Variants in PRKACB observed in about 807,000 individuals in gnomAD.
PRKACB encodes protein kinase cAMP-activated catalytic subunit beta.
In PRKACB, 16 loss-of-function variants were observed where a neutral mutation model predicts 51.4. The observed-to-expected ratio is 0.31, with a 90% confidence interval of 0.21 to 0.47. The LOEUF (loss-of-function observed/expected upper bound fraction) is 0.47. Ranked by LOEUF, PRKACB falls within the 20% of genes least tolerant of loss-of-function variation. The pLI is 1.00. For missense variants in PRKACB, 309 were observed against 464.5 expected, an observed-to-expected ratio of 0.67 and a Z score of 3.08; for synonymous variants, 147 against 154.4, an observed-to-expected ratio of 0.95 and a Z score of 0.35.
chr1:84,110,858 G>A (rs1650175474), intron 1 of PRKACB, among the ~76,000 whole-genome samples: 1 of 151,890 alleles, frequency 6.6e-6, no homozygotes, highest in African/African-American at 2.4e-5. Flanking sequence ...TGAAAATGAT[G>A]CACCTCTTTA....
intron 8 of PRKACB, among the ~76,000 whole-genome samples, chr1:84,210,368 A>C (rs1474685484): frequency 1.3e-5 from 2 of 152,172 alleles, no homozygotes; most frequent in South Asian, 2.1e-4. Flanking sequence ...CCATAACCTT[A>C]TCTCTCAGAC....
intron 1 of PRKACB, among the ~76,000 whole-genome samples, chr1:84,170,692 T>C (rs1370041854): frequency 6.6e-6 from 1 of 151,518 alleles, no homozygotes; most frequent in African/African-American, 2.4e-5. Context: ...GCAAATGATA[T>C]TTAGATACAA....
chr1:84,218,029 T>G (rs975906333), intron 9 of PRKACB, among the ~76,000 whole-genome samples: 4 of 152,198 alleles, frequency 2.6e-5, no homozygotes, highest in Non-Finnish European at 1.5e-5. Flanking sequence ...TGCTGCATAC[T>G]ATTTTTATAT....
intron 2 of PRKACB, chr1:84,181,526 A>AG (rs1663469958): frequency 6.4e-6 from 3 of 465,420 alleles, no homozygotes; most frequent in Non-Finnish European, 1.1e-5. Context: ...CAAGAAAAAA[A>AG]GAGTCTGATT....
rs1405928313 is a variant in PRKACB at position 84,174,579 on chromosome 1, C to T, written c.188-4598C>T. On this transcript the variant is annotated intron_variant, in intron 1 of 9. Transcript: ENST00000370685. ...AATACTGTTGAAAAGATTGTTAAAC[C>T]AGCACTGAGGAAGTGGAATGACTGA... Among the ~76,000 whole-genome samples, 3 of 151,776 alleles carry T rather than the reference C, an allele frequency of 2.0e-5. No homozygotes were observed. The Admixed American group carries it at 2.0e-4, about 10-fold the overall frequency.
At chr1:84,191,127 G>A (rs1195217173) in intron 5 of PRKACB, among the ~76,000 whole-genome samples, 1 of 152,054 alleles carries the variant, frequency 6.6e-6, no homozygotes, top group Non-Finnish European at 1.5e-5. Flanking sequence ...TGGGCTATGA[G>A]CTTAAGTGTG....
At chr1:84,184,002 A>C in intron 3 of PRKACB, 35 bp from the exon 4 acceptor site, 1 of 1,506,764 alleles carries the variant, frequency 6.6e-7, no homozygotes, top group Non-Finnish European at 8.9e-7. Flanking sequence ...AATTTTGCTT[A>C]AATACATTAA....
rs75510886 is a variant in PRKACB at position 84,137,816 on chromosome 1, G to C, written c.47-41361G>C. On this transcript the variant is annotated intron_variant, in intron 1 of 8. Coordinates refer to the PRKACB transcript ENST00000370688. Reference sequence around the variant, plus strand: ...TAAATAAGTTGATGGTGGATGGTGGGAGCCAGGTTTCTCTCTATTTGAGTA... The same window carrying C: ...TAAATAAGTTGATGGTGGATGGTGGCAGCCAGGTTTCTCTCTATTTGAGTA... Among the ~76,000 whole-genome samples the C allele has an allele frequency of 9.5e-3, 1,446 of 152,216 alleles. 71 individuals carry two copies. In the East Asian group the frequency reaches 0.15, roughly 16 times the overall value.
intron 1 of PRKACB, among the ~76,000 whole-genome samples, chr1:84,177,240 T>A (rs1206615849): frequency 6.6e-6 from 1 of 152,116 alleles, no homozygotes; most frequent in African/African-American, 2.4e-5. Context: ...CAAGTTGTTT[T>A]TTCTTAAATG....
chr1:84,089,031 A>G (rs1272935673), intron 1 of PRKACB, among the ~76,000 whole-genome samples: 1 of 152,198 alleles, frequency 6.6e-6, no homozygotes, highest in Admixed American at 6.5e-5. Context: ...TTACATCTAT[A>G]ATTGTAGCAC....
intron 9 of PRKACB, among the ~76,000 whole-genome samples, chr1:84,231,192 T>A (rs1675588576): frequency 6.6e-6 from 1 of 152,190 alleles, no homozygotes; most frequent in African/African-American, 2.4e-5. Flanking sequence ...TGTGGTTTTT[T>A]CTTTGGTTCT....
chr1:84,215,876 T>C (rs1015028575), intron 9 of PRKACB, among the ~76,000 whole-genome samples: 1 of 152,184 alleles, frequency 6.6e-6, no homozygotes, highest in African/African-American at 2.4e-5. Flanking sequence ...TTAATTTTTT[T>C]CTTCTTTTTT....
intron 1 of PRKACB, among the ~76,000 whole-genome samples, chr1:84,162,448 A>C (rs1375657088): frequency 1.3e-5 from 2 of 151,786 alleles, no homozygotes; most frequent in African/African-American, 4.8e-5. Context: ...ATATCCCATA[A>C]GTTTCTCAGG....
At chr1:84,184,771 T>C (rs1664604137) in intron 4 of PRKACB, among the ~76,000 whole-genome samples, 1 of 151,900 alleles carries the variant, frequency 6.6e-6, no homozygotes, top group Non-Finnish European at 1.5e-5. Flanking sequence ...CTTATTAACT[T>C]TTTAAATTGT....
intron 1 of PRKACB, among the ~76,000 whole-genome samples, chr1:84,113,995 C>A (rs982327988): frequency 1.3e-5 from 2 of 152,110 alleles, no homozygotes; most frequent in African/African-American, 4.8e-5. Context: ...TAAGTTATCT[C>A]AAGAAAACTG....
intron 1 of PRKACB, among the ~76,000 whole-genome samples, chr1:84,166,195 T>A (rs889777929): frequency 2.0e-5 from 3 of 151,702 alleles, no homozygotes; most frequent in Admixed American, 6.6e-5. Context: ...CTGAAATAGA[T>A]CTGTTTTAAA....
At chr1:84,092,649 G>A (rs550115913) in intron 1 of PRKACB, among the ~76,000 whole-genome samples, 2 of 152,106 alleles carry the variant, frequency 1.3e-5, no homozygotes, top group African/African-American at 2.4e-5. Context: ...AGATCATGTG[G>A]TTCTGGTAAA....
intron 1 of PRKACB, among the ~76,000 whole-genome samples, chr1:84,121,996 G>A (rs368714044): frequency 1.3e-3 from 204 of 152,144 alleles, no homozygotes; most frequent in African/African-American, 4.6e-3. Context: ...TACATTTGGT[G>A]AGTCCCCCCA....
intron 1 of PRKACB, among the ~76,000 whole-genome samples, chr1:84,099,112 T>C (rs1649146141): frequency 6.6e-6 from 1 of 152,096 alleles, no homozygotes; most frequent in African/African-American, 2.4e-5. Context: ...TTAGAAAGGT[T>C]AGAGGATATA....
Sources: allele counts gnomAD v4.1 joint callset (sites outside exome capture counted in the v4.1 genomes callset), GRCh38; gene constraint gnomAD v4.1.1; transcripts MANE v1.5; gene names NCBI Gene and HGNC (gene_info 2026-07-23, HGNC 2026-07-21).